STK33: variants seen among roughly 807,000 people sequenced by gnomAD.
STK33 encodes serine/threonine-protein kinase 33.
Under a neutral mutation model 58.0 loss-of-function variants are expected in STK33, and 52 were observed. That is an observed-to-expected ratio of 0.90 (90% CI 0.72 to 1.13). STK33 has a LOEUF of 1.13. STK33 is among the 50% of genes most tolerant of loss of function. The pLI is 0.00. For missense variants in STK33, 630 were observed against 604.2 expected (o/e 1.04, Z -0.45); for synonymous variants, 215 against 200.1 (o/e 1.07, Z -0.63).
At chr11:8,483,218 A>G (rs2138301579) in intron 1 of STK33, among the ~76,000 whole-genome samples, 1 of 152,292 alleles carries the variant, frequency 6.6e-6, no homozygotes, top group Admixed American at 6.5e-5. Flanking sequence ...ACCTGTGAAC[A>G]CGTCAAGGAA....
intron 6 of STK33, among the ~76,000 whole-genome samples, chr11:8,470,093 G>C (rs909307985): frequency 1.5e-4 from 23 of 152,148 alleles, no homozygotes; most frequent in African/African-American, 5.3e-4. Flanking sequence ...CTGTCCTTTG[G>C]GGCTGTGAAG....
At chr11:8,551,061 C>T (rs568943692) in intron 1 of STK33, among the ~76,000 whole-genome samples, 3 of 151,944 alleles carry the variant, frequency 2.0e-5, no homozygotes, top group African/African-American at 2.4e-5. Context: ...CAAGGAAGGG[C>T]AAGTCATATT....
downstream of STK33, among the ~76,000 whole-genome samples, chr11:8,387,406 C>G (rs1187072487): frequency 6.6e-6 from 1 of 152,190 alleles, no homozygotes; most frequent in East Asian, 1.9e-4. Context: ...AGCTGTGTGA[C>G]CTTGGACACA....
intron 1 of STK33, among the ~76,000 whole-genome samples, chr11:8,563,522 T>C (rs1957250605): frequency 6.6e-6 from 1 of 152,198 alleles, no homozygotes; most frequent in Admixed American, 6.5e-5. Context: ...CAGGTCATCA[T>C]AAATAATCAG....
chr11:8,498,682 T>C (rs561083519), intron 1 of STK33, among the ~76,000 whole-genome samples: 3 of 152,184 alleles, frequency 2.0e-5, no homozygotes, highest in Non-Finnish European at 4.4e-5. Context: ...AACTTCAAAC[T>C]ATATACAAGG....
At chr11:8,466,203 A>G (rs1202661842) in intron 6 of STK33, 1 of 152,184 alleles carries the variant, frequency 6.6e-6, no homozygotes, top group Non-Finnish European at 1.5e-5. Flanking sequence ...TTCAAAACCA[A>G]TCATGCCTTC....
the STK33 span, among the ~76,000 whole-genome samples, chr11:8,373,322 AGGG>A: frequency 6.6e-6 from 1 of 152,138 alleles, no homozygotes; most frequent in Admixed American, 6.5e-5. Flanking sequence ...GCTCTTGATG[AGGG>A]GGCTACAAAG....
chr11:8,418,765 T>C (rs987078487), intron 14 of STK33, among the ~76,000 whole-genome samples: 5 of 152,180 alleles, frequency 3.3e-5, no homozygotes, highest in Non-Finnish European at 7.4e-5. Context: ...GTTATTTTTT[T>C]ACTTTTTAGT....
intron 14 of STK33, among the ~76,000 whole-genome samples, chr11:8,421,328 T>C (rs1335710221): frequency 6.6e-6 from 1 of 152,174 alleles, no homozygotes; most frequent in Non-Finnish European, 1.5e-5. Context: ...TGGTGTGAAA[T>C]AGAAATTTAA....
At chr11:8,400,313 A>G (rs1242046434) in intron 15 of STK33, among the ~76,000 whole-genome samples, 1 of 152,256 alleles carries the variant, frequency 6.6e-6, no homozygotes, top group Non-Finnish European at 1.5e-5. Flanking sequence ...GGCTGGTTCA[A>G]CATACGCAAA....
At chr11:8,358,681 C>A in the STK33 span, among the ~76,000 whole-genome samples, 584 of 152,164 alleles carry the variant, frequency 3.8e-3, 2 homozygotes, top group African/African-American at 0.014. Flanking sequence ...CTCCCACTGG[C>A]CAAATCTGGG....
chr11:8,484,469 G>C (rs140683227), intron 1 of STK33, among the ~76,000 whole-genome samples: 1 of 152,098 alleles, frequency 6.6e-6, no homozygotes, highest in African/African-American at 2.4e-5. Context: ...ACAACCCTAC[G>C]GGAGCTTGCT....
At chr11:8,384,272 T>C in the STK33 span, among the ~76,000 whole-genome samples, 1 of 152,148 alleles carries the variant, frequency 6.6e-6, no homozygotes, top group Admixed American at 6.5e-5. Flanking sequence ...CTGTGAGAAG[T>C]GACCAGAAGA....
intron 1 of STK33, among the ~76,000 whole-genome samples, chr11:8,521,504 AC>A (rs1221826143): frequency 6.6e-5 from 10 of 152,324 alleles, no homozygotes; most frequent in Non-Finnish European, 1.3e-4. Flanking sequence ...TAAATGTTAG[AC>A]CTAAAACCAT....
At chr11:8,460,578 G>T (rs1306646374) in intron 8 of STK33, among the ~76,000 whole-genome samples, 2 of 151,942 alleles carry the variant, frequency 1.3e-5, no homozygotes, top group African/African-American at 4.8e-5. Context: ...CTAACTTGGA[G>T]ACCACAAAGT....
chr11:8,526,971 CT>C (rs34815448), intron 1 of STK33, among the ~76,000 whole-genome samples: 64,919 of 127,354 alleles, frequency 0.51, 15,514 homozygotes, highest in South Asian at 0.6. Flanking sequence ...GAGATTTCCT[CT>C]TTTTTTTTTT....
In STK33 at chr11:8,454,839, A is replaced by G. The variant is rs760963717; in HGVS notation, c.698-7T>C. 6.5e-7 allele frequency: 1 copy of G among 1,540,448 alleles called. No individual in the cohort carries two copies. The highest frequency in any genetic ancestry group is 1.4e-5 in the African/African-American group (1 of 71,986). On this transcript the variant is annotated splice_region_variant and splice_polypyrimidine_tract_variant and intron_variant, in intron 9 of 15. Transcript: ENST00000687296. ...AGATCTCTATGTACAATATCTACCA[A>G]GAAAATAAACAACAAATCAAATGAA...
At chr11:8,506,428 C>T (rs979221455) in intron 1 of STK33, among the ~76,000 whole-genome samples, 2 of 152,184 alleles carry the variant, frequency 1.3e-5, no homozygotes, top group Non-Finnish European at 2.9e-5. Flanking sequence ...AATTCAGTAT[C>T]TTACAGTTCT....
At chr11:8,382,791 A>G in the STK33 span, among the ~76,000 whole-genome samples, 4 of 152,270 alleles carry the variant, frequency 2.6e-5, no homozygotes, top group Middle Eastern at 3.4e-3. Context: ...CATATATCTC[A>G]GTGGATAATT....
Sources: gnomAD v4.1 joint callset for allele counts (sites outside exome capture counted in the v4.1 genomes callset) on GRCh38, gnomAD v4.1.1 for gene constraint, MANE v1.5 for transcripts, NCBI Gene and HGNC (gene_info 2026-07-23, HGNC 2026-07-21) for gene names.